The following ADAMTSL1 variants were observed in gnomAD, a reference collection of about 807,000 sequenced individuals.
ADAMTSL1 encodes the protein ADAMTS like 1.
In ADAMTSL1, 126 loss-of-function variants were observed where a neutral mutation model predicts 201.8. That is an observed-to-expected ratio of 0.62 (90% CI 0.54 to 0.72). The LOEUF is 0.72. Among genes scored for constraint, ADAMTSL1 ranks in the 30% least tolerant of loss-of-function variants. The probability of loss-of-function intolerance (pLI) is 0.00; values close to 1 mark genes in which losing one functional copy is unlikely to be tolerated. For synonymous variants in ADAMTSL1, 1,121 were observed against 903.4 expected (o/e 1.24, Z -4.32); for missense variants, 2,679 against 2,277.8 (o/e 1.18, Z -3.59).
chr9:17,999,372 G>T (rs1471277909), intron 1 of ADAMTSL1, among the ~76,000 whole-genome samples: 3 of 152,008 alleles, frequency 2.0e-5, no homozygotes, highest in African/African-American at 7.2e-5. Flanking sequence ...CTGCTGTGAT[G>T]CTTCTCCCAG....
chr9:17,925,582 AT>A (rs1360194355), intron 1 of ADAMTSL1, among the ~76,000 whole-genome samples: 1 of 120,878 alleles, frequency 8.3e-6, no homozygotes, highest in Non-Finnish European at 1.8e-5. Context: ...GGAAATCATC[AT>A]TCTCAGTAAA....
At chr9:18,070,547 G>A (rs1395840635) in intron 1 of ADAMTSL1, among the ~76,000 whole-genome samples, 1 of 152,160 alleles carries the variant, frequency 6.6e-6, no homozygotes, top group Non-Finnish European at 1.5e-5. Context: ...TTGAGGAAGC[G>A]TTTTGCACAA....
At chr9:18,433,566 G>A (rs1191396289) in intron 2 of ADAMTSL1, among the ~76,000 whole-genome samples, 7 of 152,066 alleles carry the variant, frequency 4.6e-5, no homozygotes, top group Admixed American at 4.6e-4. Flanking sequence ...ATGTAAAGAT[G>A]GTGATATACC....
At chr9:18,307,030 G>C (rs1232562675) in intron 2 of ADAMTSL1, among the ~76,000 whole-genome samples, 1 of 152,090 alleles carries the variant, frequency 6.6e-6, no homozygotes, top group African/African-American at 2.4e-5. Flanking sequence ...ATAGAGTGGG[G>C]GCCAATATTC....
chr9:18,247,171 T>G (rs1831283789), intron 2 of ADAMTSL1, among the ~76,000 whole-genome samples: 1 of 152,178 alleles, frequency 6.6e-6, no homozygotes. Flanking sequence ...TAGCATTTTA[T>G]TCACAAATAA....
intron 16 of ADAMTSL1, among the ~76,000 whole-genome samples, chr9:18,755,264 A>G (rs1238054273): frequency 6.6e-6 from 1 of 152,208 alleles, no homozygotes; most frequent in Non-Finnish European, 1.5e-5. Context: ...CTTAAACGGC[A>G]CCACTAACCC....
intron 2 of ADAMTSL1, among the ~76,000 whole-genome samples, chr9:18,235,716 G>C (rs1317114492): frequency 1.3e-5 from 2 of 152,120 alleles, no homozygotes; most frequent in African/African-American, 4.8e-5. Context: ...TTGACTCCAG[G>C]CTCCATGATC....
chr9:18,446,356 G>C (rs548519521), intron 2 of ADAMTSL1, among the ~76,000 whole-genome samples: 1 of 152,190 alleles, frequency 6.6e-6, no homozygotes, highest in Non-Finnish European at 1.5e-5. Context: ...TTGGTTTTCT[G>C]AAAGCATTTA....
chr9:18,432,040 A>G (rs752441495), intron 2 of ADAMTSL1, among the ~76,000 whole-genome samples: 1 of 152,138 alleles, frequency 6.6e-6, no homozygotes, highest in Non-Finnish European at 1.5e-5. Flanking sequence ...TGGATGATGA[A>G]TTTTCCTTTT....
intron 2 of ADAMTSL1, among the ~76,000 whole-genome samples, chr9:18,262,299 A>G (rs1038893396): frequency 6.6e-6 from 1 of 152,218 alleles, no homozygotes; most frequent in Admixed American, 6.5e-5. Flanking sequence ...AGGCCCTTAT[A>G]AAGGATGCAG....
intron 2 of ADAMTSL1, among the ~76,000 whole-genome samples, chr9:18,178,571 G>A (rs1262420359): frequency 2.0e-5 from 3 of 151,002 alleles, no homozygotes; most frequent in African/African-American, 4.9e-5. Flanking sequence ...ACCTCTGGGG[G>A]CAGGGCACAG....
intron 2 of ADAMTSL1, among the ~76,000 whole-genome samples, chr9:18,366,109 T>C (rs1303401174): frequency 6.6e-6 from 1 of 152,138 alleles, no homozygotes; most frequent in African/African-American, 2.4e-5. Context: ...ATAGTAATAA[T>C]GATATAATCT....
chr9:18,068,449 T>C (rs549514801), intron 1 of ADAMTSL1, among the ~76,000 whole-genome samples: 7 of 152,178 alleles, frequency 4.6e-5, no homozygotes, highest in Non-Finnish European at 1.0e-4. Context: ...GTAGGCCATA[T>C]GCAAATACTA....
intron 1 of ADAMTSL1, among the ~76,000 whole-genome samples, chr9:18,495,850 A>G (rs563592518): frequency 1.8e-4 from 28 of 152,126 alleles, no homozygotes; most frequent in Non-Finnish European, 3.5e-4. Flanking sequence ...GTGACTGGAT[A>G]TTTCTCATGG....
chr9:18,577,401 G>C (rs1467735500), intron 4 of ADAMTSL1, among the ~76,000 whole-genome samples: 3 of 152,122 alleles, frequency 2.0e-5, no homozygotes, highest in Non-Finnish European at 4.4e-5. Flanking sequence ...CAGGACAATG[G>C]CTTAAACCTG....
intron 20 of ADAMTSL1, among the ~76,000 whole-genome samples, chr9:18,807,502 G>A (rs1177826201): frequency 6.6e-6 from 1 of 152,096 alleles, no homozygotes; most frequent in Non-Finnish European, 1.5e-5. Flanking sequence ...AAAATTAGCC[G>A]GGCGCAGTGG....
At chr9:18,810,495 C>T (rs780831818) in intron 20 of ADAMTSL1, among the ~76,000 whole-genome samples, 7 of 152,166 alleles carry the variant, frequency 4.6e-5, no homozygotes, top group Non-Finnish European at 7.3e-5. Flanking sequence ...CTCCAAAGGG[C>T]ATTTCTGAAT....
In ADAMTSL1 at chr9:18,005,222, G is replaced by C. The variant is rs1035568158; in HGVS notation, c.87+98300G>C. The stretch of plus-strand genomic sequence containing the variant: ...AGAAGATAGTGAGGCAAAGAGATGG[G>C]AGACAAGTCTATAGGGAAGAATGAG... On this transcript the variant is annotated intron_variant, in intron 1 of 29. Transcript: ENST00000680146. Among the ~76,000 whole-genome samples the C allele has an allele frequency of 2.0e-5, 3 of 152,046 alleles. No homozygotes were observed. In the East Asian group the frequency reaches 5.8e-4, roughly 29 times the overall value.
intron 2 of ADAMTSL1, among the ~76,000 whole-genome samples, chr9:18,372,538 A>T (rs1837092044): frequency 6.6e-6 from 1 of 152,210 alleles, no homozygotes. Context: ...AATGGGCTTG[A>T]ACTGAGGTCT....
Sources: allele counts gnomAD v4.1 joint callset (sites outside exome capture counted in the v4.1 genomes callset), GRCh38; gene constraint gnomAD v4.1.1; transcripts MANE v1.5; gene names NCBI Gene and HGNC (gene_info 2026-07-23, HGNC 2026-07-21).